The following CACNA2D3 variants were observed in gnomAD, a reference collection of about 807,000 sequenced individuals.
The protein encoded by CACNA2D3 is voltage-dependent calcium channel subunit alpha-2/delta-3.
In CACNA2D3, 60 loss-of-function variants were observed where a neutral mutation model predicts 160.6. The observed-to-expected ratio is 0.37, with a 90% CI of 0.30 to 0.46. CACNA2D3 has a LOEUF of 0.46. Among genes scored for constraint, CACNA2D3 ranks in the 20% least tolerant of loss-of-function variants. The pLI is 1.00. For missense variants in CACNA2D3, 1,205 were observed against 1,365.0 expected (o/e 0.88, Z 1.85); for synonymous variants, 558 against 492.9 (o/e 1.13, Z -1.75).
intron 27 of CACNA2D3, among the ~76,000 whole-genome samples, chr3:54,937,176 C>T (rs1169496286): frequency 6.6e-6 from 1 of 152,192 alleles, no homozygotes; most frequent in Non-Finnish European, 1.5e-5. Context: ...TTCTGGACCC[C>T]TTTGTGTGTA....
chr3:54,215,968 G>A (rs1192906528), intron 2 of CACNA2D3, among the ~76,000 whole-genome samples: 2 of 151,776 alleles, frequency 1.3e-5, no homozygotes, highest in Non-Finnish European at 1.5e-5. Context: ...ATGTGTACAT[G>A]TGTGTCCTCT....
intron 3 of CACNA2D3, among the ~76,000 whole-genome samples, chr3:54,330,190 T>G (rs1048530223): frequency 1.3e-5 from 2 of 148,936 alleles, no homozygotes; most frequent in African/African-American, 5.0e-5. Flanking sequence ...TTTTTTGTTC[T>G]TGTATGCTTT....
At chr3:55,031,240 C>T (rs902959414) in intron 35 of CACNA2D3, among the ~76,000 whole-genome samples, 1 of 152,168 alleles carries the variant, frequency 6.6e-6, no homozygotes, top group Non-Finnish European at 1.5e-5. Context: ...CTCCCTCTAT[C>T]CCTACCTCAA....
chr3:54,330,209 TATGTGTGTGTG>T (rs1219704087), intron 3 of CACNA2D3, among the ~76,000 whole-genome samples: 4 of 96,270 alleles, frequency 4.2e-5, no homozygotes, highest in Non-Finnish European at 8.8e-5. Flanking sequence ...TTTTAATTGA[TATGTGTGTGTG>T]TGTGTGTGTG....
chr3:54,574,063 A>G (rs1335417238), intron 8 of CACNA2D3, among the ~76,000 whole-genome samples: 1 of 152,134 alleles, frequency 6.6e-6, no homozygotes, highest in Non-Finnish European at 1.5e-5. Flanking sequence ...GTGTGAGTGC[A>G]TTGTTATCAT....
rs989470096 is a variant in CACNA2D3, at chr3:55,027,752, T to C, written c.2987+9435T>C. On this transcript the variant is annotated intron_variant, in intron 35 of 37. Coordinates refer to ENST00000474759, the MANE Select transcript of CACNA2D3 (RefSeq NM_018398.3). ...TTATAGTATTTCAGAAATTACGCAG[T>C]AAGATCTTTTTCATAGGAAAACATC... Among the ~76,000 whole-genome samples, 5 of 152,182 alleles carry C rather than the reference T, an allele frequency of 3.3e-5. No homozygotes were observed. In the South Asian group the frequency reaches 1.0e-3, roughly 31 times the overall value.
intron 31 of CACNA2D3, among the ~76,000 whole-genome samples, chr3:54,993,730 T>C (rs1702789930): frequency 6.6e-6 from 1 of 152,168 alleles, no homozygotes; most frequent in South Asian, 2.1e-4. Flanking sequence ...CTGATTATGC[T>C]GGAGGCCAGA....
intron 34 of CACNA2D3, among the ~76,000 whole-genome samples, chr3:55,010,399 A>AAAAT (rs1207234691): frequency 6.6e-6 from 1 of 152,186 alleles, no homozygotes; most frequent in Non-Finnish European, 1.5e-5. Flanking sequence ...AGTTGGAAGG[A>AAAAT]AAATAAATAA....
chr3:54,705,672 T>TGA (rs1700844346), intron 11 of CACNA2D3, among the ~76,000 whole-genome samples: 1 of 152,206 alleles, frequency 6.6e-6, no homozygotes, highest in African/African-American at 2.4e-5. Context: ...CTCCCAATGT[T>TGA]CCTATAACTA....
intron 17 of CACNA2D3, 77 bp from the exon 18 acceptor site, chr3:54,871,462 G>C (rs1699533055): frequency 9.3e-7 from 1 of 1,074,658 alleles, no homozygotes. Flanking sequence ...AACAGGACTT[G>C]GGAAGGTAAA....
At chr3:54,945,812 C>T (rs1229792603) in intron 27 of CACNA2D3, among the ~76,000 whole-genome samples, 1 of 152,156 alleles carries the variant, frequency 6.6e-6, no homozygotes, top group African/African-American at 2.4e-5. Flanking sequence ...GCAGGGTTTG[C>T]AGCATGCAGA....
intron 5 of CACNA2D3, among the ~76,000 whole-genome samples, chr3:54,557,495 T>A (rs991232664): frequency 2.6e-5 from 4 of 152,316 alleles, no homozygotes; most frequent in African/African-American, 9.6e-5. Context: ...GTTGTCACAC[T>A]TAAGAAAAAA....
chr3:55,027,745 T>C (rs935838464), intron 35 of CACNA2D3, among the ~76,000 whole-genome samples: 1 of 152,178 alleles, frequency 6.6e-6, no homozygotes, highest in Non-Finnish European at 1.5e-5. Context: ...TTTCAGAAAT[T>C]ACGCAGTAAG....
chr3:54,441,193 A>G (rs1023034966), intron 4 of CACNA2D3, among the ~76,000 whole-genome samples: 1 of 152,078 alleles, frequency 6.6e-6, no homozygotes, highest in African/African-American at 2.4e-5. Flanking sequence ...CTGGTGTGAG[A>G]TGGTATCTCA....
chr3:54,403,356 A>AAC (rs55779518), intron 4 of CACNA2D3, among the ~76,000 whole-genome samples: 5,484 of 137,544 alleles, frequency 0.04, 155 homozygotes, highest in African/African-American at 0.089. Flanking sequence ...CCCTATCTCA[A>AAC]ACACACACAC....
chr3:54,331,061 C>T (rs1007839139), intron 3 of CACNA2D3, among the ~76,000 whole-genome samples: 7 of 152,156 alleles, frequency 4.6e-5, no homozygotes, highest in South Asian at 4.2e-4. Context: ...ATGGGAATTT[C>T]GTCATTGGAG....
chr3:54,915,907 G>A (rs552950702), intron 27 of CACNA2D3, among the ~76,000 whole-genome samples: 1 of 152,270 alleles, frequency 6.6e-6, no homozygotes, highest in East Asian at 1.9e-4. Flanking sequence ...GTTATCATCT[G>A]TACTTAGAAA....
intron 3 of CACNA2D3, among the ~76,000 whole-genome samples, chr3:54,325,152 G>A (rs1704096146): frequency 6.6e-6 from 1 of 152,186 alleles, no homozygotes; most frequent in African/African-American, 2.4e-5. Flanking sequence ...TGGGGCTCCA[G>A]GGAACTCTGA....
intron 9 of CACNA2D3, among the ~76,000 whole-genome samples, chr3:54,612,302 G>C (rs2106790524): frequency 1.3e-5 from 2 of 152,298 alleles, no homozygotes; most frequent in South Asian, 4.1e-4. Flanking sequence ...TCTCCTGATT[G>C]ACTGAGGAAA....
Sources: gnomAD v4.1 joint callset for allele counts (sites outside exome capture counted in the v4.1 genomes callset) on GRCh38, gnomAD v4.1.1 for gene constraint, MANE v1.5 for transcripts, NCBI Gene and HGNC (gene_info 2026-07-23, HGNC 2026-07-21) for gene names.